Variants in VPS13A observed in about 807,000 individuals in gnomAD.
The protein encoded by VPS13A is intermembrane lipid transfer protein VPS13A.
In VPS13A, 264 loss-of-function variants were observed where a neutral mutation model predicts 390.9. The ratio of observed to expected loss-of-function variants is 0.68; its 90% CI spans 0.61 to 0.75. The LOEUF (loss-of-function observed/expected upper bound fraction) is 0.75. VPS13A is among the 30% of genes least tolerant of loss of function. VPS13A has a pLI of 0.00. For missense variants in VPS13A, 3,409 were observed against 3,733.9 expected (o/e 0.91, Z 2.27); for synonymous variants, 1,231 against 1,227.1 (o/e 1.00, Z -0.07).
Position 77,316,362 on chromosome 9 carries a change from G to T in VPS13A, c.4819G>T (p.Ala1607Ser). 3 of 1,613,128 alleles carry T rather than the reference G, an allele frequency of 1.9e-6. No homozygotes were observed. Among genetic ancestry groups the T allele is most frequent in the Non-Finnish European group, 2.5e-6 (3 of 1,179,342 alleles). ...TAAIKDLQVRACPFLPVKRKG... is the reference protein window; with the variant it reads ...TAAIKDLQVRSCPFLPVKRKG... ...TGCCATTAAAGATCTCCAAGTGAGA[G>T]CCTGCCCGTTTCTTCCAGTCAAGAG... The change falls in exon 39 of 72, where the codon GCC becomes TCC. Residue 1607 changes from alanine to serine, a missense_variant. Physicochemically the swap from Ala to Ser is moderately conservative, Grantham distance 99. Coordinates refer to ENST00000360280, the MANE Select transcript of VPS13A (RefSeq NM_033305.3).
intron 23 of VPS13A, among the ~76,000 whole-genome samples, chr9:77,262,541 G>A (rs940900100): frequency 7.2e-5 from 11 of 151,976 alleles, no homozygotes; most frequent in South Asian, 2.1e-4. Context: ...CCATCAACCC[G>A]TCATCTACAT....
At chr9:77,321,095 T>G in intron 42 of VPS13A, 74 bp from the exon 43 acceptor site, 1 of 1,326,102 alleles carries the variant, frequency 7.5e-7, no homozygotes, top group Non-Finnish European at 1.1e-6. Context: ...CTTTCTAATG[T>G]TGGTATTGGG....
chr9:77,382,762 G>T, intron 68 of VPS13A: 1 of 985,682 alleles, frequency 1.0e-6, no homozygotes, highest in Middle Eastern at 5.2e-4. Context: ...TATAAAACTT[G>T]TGGGATTTGA....
Position 77,421,131 on chromosome 9 carries a change from C to CTAGTTTTTTAAATTGATGAA in VPS13A, c.*5125_*5126insTAGTTTTTTAAATTGATGAA, listed in dbSNP as rs1835326405. The CTAGTTTTTTAAATTGATGAA allele has an allele frequency of 6.6e-6, 1 of 152,134 alleles. No homozygotes were observed. The highest frequency in any genetic ancestry group is 1.5e-5 in the Non-Finnish European group (1 of 68,022). The allele number at this position is 152,134 out of a possible 1,614,324, so 9.4% of individuals were successfully genotyped here. On this transcript the variant is annotated 3_prime_UTR_variant, in exon 72 of 72. Transcript: ENST00000360280. ...CTAGTTTTTTAAATTGATGAAATAGCCTGTGCTGCTTTGGAATGCTTATTC... is the reference window on the plus strand; with the variant it reads ...CTAGTTTTTTAAATTGATGAAATAGCTAGTTTTTTAAATTGATGAACTGTGCTGCTTTGGAATGCTTATTC...
At chr9:77,215,884 A>G (rs1157026138) in intron 10 of VPS13A, among the ~76,000 whole-genome samples, 6 of 152,110 alleles carry the variant, frequency 3.9e-5, no homozygotes, top group Non-Finnish European at 8.8e-5. Flanking sequence ...CTCTGAATGC[A>G]CTCCAGTACA....
At chr9:77,197,288 A>G (rs1825059902) in intron 1 of VPS13A, among the ~76,000 whole-genome samples, 1 of 152,142 alleles carries the variant, frequency 6.6e-6, no homozygotes, top group Admixed American at 6.6e-5. Context: ...GTTGGTCAAT[A>G]GTATTAAGTC....
chr9:77,234,804 AT>A (rs763584029), intron 17 of VPS13A, among the ~76,000 whole-genome samples: 6 of 151,904 alleles, frequency 3.9e-5, no homozygotes, highest in Non-Finnish European at 7.4e-5. Flanking sequence ...TTTCTTCCTC[AT>A]TTCTTTTTCC....
intron 35 of VPS13A, among the ~76,000 whole-genome samples, chr9:77,312,423 AT>A (rs200809406): frequency 0.012 from 1,731 of 146,610 alleles, 19 homozygotes; most frequent in African/African-American, 0.027. Flanking sequence ...TGTTCATATA[AT>A]TTTTTTTTTT....
chr9:77,393,304 A>C (rs541347167), intron 68 of VPS13A, among the ~76,000 whole-genome samples: 9 of 152,156 alleles, frequency 5.9e-5, no homozygotes, highest in African/African-American at 1.9e-4. Context: ...CATATCTGCA[A>C]TTACTTCCTC....
At chr9:77,386,005 T>C (rs1833665720) in intron 68 of VPS13A, among the ~76,000 whole-genome samples, 1 of 152,164 alleles carries the variant, frequency 6.6e-6, no homozygotes, top group Non-Finnish European at 1.5e-5. Context: ...TATGTAAAAT[T>C]TGTTTGAAAA....
At chr9:77,407,740 T>C (rs1395219487) in intron 71 of VPS13A, 133 bp downstream of exon 71, 1 of 760,458 alleles carries the variant, frequency 1.3e-6, no homozygotes, top group Non-Finnish European at 2.2e-6. Context: ...TTTTGGCAGG[T>C]TTTAAAAGTA....
rs1831015262 is a variant in VPS13A at position 77,344,272 on chromosome 9, A to G, written c.7146A>G (p.Leu2382=). The change falls in exon 51 of 72, where the codon CTA becomes CTG. Residue 2382 remains leucine, a synonymous_variant. Transcript: ENST00000360280. ...NKQENCILLR[L]DNELGGIIAE... is the part of the protein sequence containing the mutation. ...AGGAAAATTGTATTCTATTGCGTCTAGATAACGAGGTAAGTTTTTTTTTCT... is the reference window on the plus strand; with the variant it reads ...AGGAAAATTGTATTCTATTGCGTCTGGATAACGAGGTAAGTTTTTTTTTCT... 1 of 1,613,446 alleles carries G rather than the reference A, an allele frequency of 6.2e-7. No individual in the cohort carries two copies. The highest frequency in any genetic ancestry group is 1.7e-5 in the Admixed American group (1 of 59,998).
At chr9:77,312,623 G>A (rs1202522745) in intron 35 of VPS13A, among the ~76,000 whole-genome samples, 1 of 151,860 alleles carries the variant, frequency 6.6e-6, no homozygotes, top group African/African-American at 2.4e-5. Context: ...AGACGGGTTA[G>A]CCAGGATGGT....
intron 45 of VPS13A, among the ~76,000 whole-genome samples, chr9:77,329,063 A>C (rs1354803177): frequency 6.6e-6 from 1 of 152,160 alleles, no homozygotes; most frequent in African/African-American, 2.4e-5. Context: ...CATCACGAGA[A>C]CAGCATGCAG....
At position 77,415,365 on chromosome 9, in the gene VPS13A, A is replaced by G. The variant is rs765077571; in HGVS notation, c.9475-591A>G. 1.6e-4 allele frequency among the ~76,000 whole-genome samples: 25 copies of G among 152,328 alleles called. No homozygotes were observed. In the Middle Eastern group the frequency reaches 0.024, roughly 146 times the overall value. ...GGCTCTTTTAAGTTAAAGAGGTACA[A>G]ACATCTCTGTGAAATCTTTATATAT... On this transcript the variant is annotated intron_variant, in intron 71 of 71. Transcript: ENST00000360280.
At chr9:77,195,259 T>C (rs1313982225) in intron 1 of VPS13A, among the ~76,000 whole-genome samples, 1 of 152,000 alleles carries the variant, frequency 6.6e-6, no homozygotes, top group Non-Finnish European at 1.5e-5. Flanking sequence ...GAGTAGCTGG[T>C]ACTGCAGGTG....
At chr9:77,412,321 T>C (rs867074763) in intron 71 of VPS13A, among the ~76,000 whole-genome samples, 1 of 152,194 alleles carries the variant, frequency 6.6e-6, no homozygotes, top group Non-Finnish European at 1.5e-5. Flanking sequence ...ATATCCCTGA[T>C]GAACATTGAT....
chr9:77,280,094 AT>A, intron 26 of VPS13A, 64 bp from the exon 27 acceptor site: 1 of 1,248,466 alleles, frequency 8.0e-7, no homozygotes, highest in Admixed American at 1.8e-5. Context: ...AATTAATAAG[AT>A]TGCTTGCATT....
chr9:77,283,714 A>G (rs1005700990), intron 31 of VPS13A, 64 bp downstream of exon 31: 19 of 1,290,246 alleles, frequency 1.5e-5, no homozygotes, highest in Non-Finnish European at 2.0e-5. Flanking sequence ...AAGAGTGGTC[A>G]TAGGTATCAT....
Sources: allele counts gnomAD v4.1 joint callset (sites outside exome capture counted in the v4.1 genomes callset), GRCh38; gene constraint gnomAD v4.1.1; transcripts MANE v1.5; gene names NCBI Gene and HGNC (gene_info 2026-07-23, HGNC 2026-07-21).